PXDNL: variants seen among roughly 807,000 people sequenced by gnomAD.
PXDNL encodes peroxidasin like, also known as probable oxidoreductase PXDNL.
Under a neutral mutation model 150.8 loss-of-function variants are expected in PXDNL, and 145 were observed. That is an observed-to-expected ratio of 0.96 (90% CI 0.84 to 1.10). The LOEUF is 1.10. Among genes scored for constraint, PXDNL ranks in the 50% least tolerant of loss-of-function variants. The pLI is 0.00. For missense variants in PXDNL, 2,087 were observed against 1,873.9 expected (o/e 1.11, Z -2.10); for synonymous variants, 757 against 725.7 (o/e 1.04, Z -0.69).
At chr8:51,396,248 T>C (rs1033518841) in intron 17 of PXDNL, among the ~76,000 whole-genome samples, 3 of 152,220 alleles carry the variant, frequency 2.0e-5, no homozygotes, top group African/African-American at 7.2e-5. Context: ...GTTTTTTCTC[T>C]TTCCACACGC....
intron 6 of PXDNL, among the ~76,000 whole-genome samples, chr8:51,475,645 C>T (rs533719798): frequency 5.3e-5 from 8 of 152,140 alleles, no homozygotes; most frequent in African/African-American, 1.9e-4. Flanking sequence ...AACTTTTATT[C>T]TAGATTCAGG....
chr8:51,549,076 G>A (rs80228113), intron 4 of PXDNL, among the ~76,000 whole-genome samples: 2,456 of 152,034 alleles, frequency 0.016, 27 homozygotes, highest in South Asian at 0.027. Flanking sequence ...AGTTTAAAAA[G>A]ACAAAAAGAG....
rs202110442 is a variant in PXDNL at position 51,411,361 on chromosome 8, G to C, written c.1951C>G (p.Arg651Gly). 5.1e-6 allele frequency: 8 copies of C among 1,580,648 alleles called. No homozygotes were observed. Among genetic ancestry groups the C allele is most frequent in the Non-Finnish European group, 6.0e-6 (7 of 1,167,874 alleles). Reference protein sequence around the residue: ...SDLLAQFHYPRDPLIVEMARA... With the variant: ...SDLLAQFHYPGDPLIVEMARA... Reference sequence around the variant, plus strand: ...GCCATTTCCACAATCAGTGGGTCACGCGGGTAATGAAATTGAGCCAGCAGG... The same window carrying C: ...GCCATTTCCACAATCAGTGGGTCACCCGGGTAATGAAATTGAGCCAGCAGG... Residue 651 changes from arginine to glycine, a missense_variant, in exon 16 of 23, where the codon CGT becomes GGT. Arg to Gly is a moderately radical substitution (Grantham distance 125). Transcript: ENST00000356297.
At chr8:51,502,981 C>T (rs958726499) in intron 4 of PXDNL, among the ~76,000 whole-genome samples, 3 of 152,002 alleles carry the variant, frequency 2.0e-5, no homozygotes, top group African/African-American at 7.2e-5. Context: ...TAATAATTAT[C>T]GATTTAATAT....
chr8:51,548,086 T>A (rs1812400973), intron 4 of PXDNL, among the ~76,000 whole-genome samples: 1 of 131,872 alleles, frequency 7.6e-6, no homozygotes, highest in African/African-American at 3.1e-5. Context: ...AGAAACAACT[T>A]CAGAATTCAA....
intron 13 of PXDNL, among the ~76,000 whole-genome samples, chr8:51,424,379 A>C (rs1809035041): frequency 6.6e-6 from 1 of 152,202 alleles, no homozygotes; most frequent in South Asian, 2.1e-4. Flanking sequence ...TAAAATAAAA[A>C]AAATAAAAAT....
rs1471061140 is a variant in PXDNL, at chr8:51,533,834, A to G, written c.380+23006T>C. Among the ~76,000 whole-genome samples the G allele has an allele frequency of 3.3e-5, 5 of 150,422 alleles. 1 individual carries two copies. Among genetic ancestry groups the G allele is most frequent in the Admixed American group, 2.6e-4 (4 of 15,228 alleles). On this transcript the variant is annotated intron_variant, in intron 4 of 22. Transcript: ENST00000356297. ...TGCAGTGGCGTGATCTCGGCTCGCTACAACCTCCACCTCCCAGCCGCCTGC... is the reference window on the plus strand; with the variant it reads ...TGCAGTGGCGTGATCTCGGCTCGCTGCAACCTCCACCTCCCAGCCGCCTGC...
intron 4 of PXDNL, among the ~76,000 whole-genome samples, chr8:51,553,568 T>C (rs1256117711): frequency 6.6e-6 from 1 of 152,136 alleles, no homozygotes; most frequent in Non-Finnish European, 1.5e-5. Context: ...GAAGTTTATA[T>C]ATGCGCATTG....
At chr8:51,630,994 A>G (rs1340660803) in intron 2 of PXDNL, among the ~76,000 whole-genome samples, 1 of 152,182 alleles carries the variant, frequency 6.6e-6, no homozygotes, top group African/African-American at 2.4e-5. Context: ...TGTTCATCAC[A>G]GCACTATTCA....
chr8:51,371,756 G>A (rs1586043935), intron 19 of PXDNL, 117 bp downstream of exon 19: 3 of 942,414 alleles, frequency 3.2e-6, no homozygotes, highest in Non-Finnish European at 4.8e-6. Flanking sequence ...GGAAAGTTCT[G>A]TGTTGTTGGC....
At chr8:51,333,874 G>T (rs1805764436) in intron 21 of PXDNL, among the ~76,000 whole-genome samples, 2 of 152,102 alleles carry the variant, frequency 1.3e-5, no homozygotes, top group South Asian at 4.1e-4. Flanking sequence ...AATACTGGGG[G>T]ACTTCAATAC....
intron 4 of PXDNL, among the ~76,000 whole-genome samples, chr8:51,506,015 T>A (rs917416824): frequency 5.3e-5 from 8 of 152,244 alleles, no homozygotes; most frequent in African/African-American, 1.9e-4. Flanking sequence ...GCACGGTAAA[T>A]TATTTCAACT....
chr8:51,806,721 C>T (rs924106124), intron 1 of PXDNL, among the ~76,000 whole-genome samples: 1 of 152,098 alleles, frequency 6.6e-6, no homozygotes, highest in Non-Finnish European at 1.5e-5. Flanking sequence ...TATTGAAAAG[C>T]TAGGGAATGT....
At chr8:51,548,929 G>C (rs1812421074) in intron 4 of PXDNL, among the ~76,000 whole-genome samples, 1 of 152,126 alleles carries the variant, frequency 6.6e-6, no homozygotes, top group South Asian at 2.1e-4. Flanking sequence ...CTGTCTTCAA[G>C]AGATCCACCT....
chr8:51,628,529 C>A (rs1269273960), intron 2 of PXDNL, among the ~76,000 whole-genome samples: 1 of 149,540 alleles, frequency 6.7e-6, no homozygotes, highest in Non-Finnish European at 1.5e-5. Context: ...CCTCAGCCTC[C>A]TGAGTATCTG....
intron 3 of PXDNL, among the ~76,000 whole-genome samples, chr8:51,580,709 C>T (rs1398523407): frequency 6.6e-6 from 1 of 152,074 alleles, no homozygotes; most frequent in African/African-American, 2.4e-5. Context: ...TTCCTTGATA[C>T]CAAGTAGCTT....
At chr8:51,610,404 G>A (rs1813974918) in intron 2 of PXDNL, among the ~76,000 whole-genome samples, 1 of 152,082 alleles carries the variant, frequency 6.6e-6, no homozygotes, top group Non-Finnish European at 1.5e-5. Flanking sequence ...CTATACATTT[G>A]CTATTATAAT....
intron 1 of PXDNL, among the ~76,000 whole-genome samples, chr8:51,754,482 T>A (rs2037078522): frequency 6.6e-6 from 1 of 150,520 alleles, no homozygotes; most frequent in Non-Finnish European, 1.5e-5. Context: ...ATGAGCTAGT[T>A]CATCCAGGCC....
At chr8:51,403,895 A>C (rs1808349491) in intron 17 of PXDNL, among the ~76,000 whole-genome samples, 2 of 152,138 alleles carry the variant, frequency 1.3e-5, no homozygotes. Context: ...ACAGGTCTTA[A>C]AGGTGGTGTG....
Sources: allele counts gnomAD v4.1 joint callset (sites outside exome capture counted in the v4.1 genomes callset), GRCh38; gene constraint gnomAD v4.1.1; transcripts MANE v1.5; gene names NCBI Gene and HGNC (gene_info 2026-07-23, HGNC 2026-07-21).